MPP7: variants seen among roughly 807,000 people sequenced by gnomAD.
MPP7 encodes MAGUK p55 subfamily member 7.
A neutral mutation model predicts 76.5 loss-of-function variants in MPP7; 60 were observed. The observed-to-expected ratio is 0.78, with a 90% confidence interval of 0.64 to 0.97. The LOEUF is 0.97. MPP7 is among the 50% of genes least tolerant of loss of function. The pLI is 0.00. For synonymous variants in MPP7, 237 were observed against 244.5 expected (o/e 0.97, Z 0.29); for missense variants, 641 against 694.0 (o/e 0.92, Z 0.86).
At chr10:28,120,816 G>T in intron 8 of MPP7, 148 bp from the exon 9 acceptor site, 2 of 557,018 alleles carry the variant, frequency 3.6e-6, no homozygotes, top group Non-Finnish European at 6.2e-6. Flanking sequence ...TATTTTTGTA[G>T]AAATTCCTGT....
intron 1 of MPP7, among the ~76,000 whole-genome samples, chr10:28,281,292 T>C (rs937660167): frequency 2.6e-5 from 4 of 152,126 alleles, no homozygotes; most frequent in African/African-American, 7.2e-5. Context: ...TTTTGCCACA[T>C]TGGCCAGGCT....
At chr10:28,170,108 G>T (rs1319953488) in intron 3 of MPP7, among the ~76,000 whole-genome samples, 2 of 151,856 alleles carry the variant, frequency 1.3e-5, no homozygotes, top group African/African-American at 4.8e-5. Flanking sequence ...TTATCTAAGA[G>T]TATTTTTCTT....
intron 2 of MPP7, among the ~76,000 whole-genome samples, chr10:28,310,002 CTTT>C (rs770667750): frequency 9.0e-6 from 1 of 111,298 alleles, no homozygotes; most frequent in South Asian, 3.6e-4. Flanking sequence ...CCAATTAAAC[CTTT>C]TTTTTTTTTT....
At chr10:28,118,975 C>G (rs11006882) in intron 11 of MPP7, 2 of 985,146 alleles carry the variant, frequency 2.0e-6, no homozygotes, top group Admixed American at 6.2e-5. Context: ...CATGAAACAT[C>G]TAGGCGAGGT....
chr10:28,303,746 T>C (rs551383999), upstream of MPP7, among the ~76,000 whole-genome samples: 4 of 152,288 alleles, frequency 2.6e-5, no homozygotes, highest in African/African-American at 7.2e-5. Flanking sequence ...ACTGATTCTT[T>C]CACAATAGAA....
chr10:28,135,206 C>T (rs1292555354), intron 5 of MPP7, among the ~76,000 whole-genome samples: 2 of 152,072 alleles, frequency 1.3e-5, no homozygotes, highest in Non-Finnish European at 2.9e-5. Flanking sequence ...GTTGGGAAAA[C>T]AGAGCTGGGA....
At chr10:28,301,011 T>C (rs1443165973) in intron 1 of MPP7, among the ~76,000 whole-genome samples, 1 of 151,758 alleles carries the variant, frequency 6.6e-6, no homozygotes, top group African/African-American at 2.4e-5. Flanking sequence ...TCCTGATAAC[T>C]AGTAAATTTA....
At chr10:28,319,545 G>A (rs1437370018) in intron 2 of MPP7, among the ~76,000 whole-genome samples, 1 of 151,782 alleles carries the variant, frequency 6.6e-6, no homozygotes, top group African/African-American at 2.4e-5. Flanking sequence ...CAGCATGGTG[G>A]TCTGGGAAAA....
At chr10:28,334,963 G>A (rs970738836), upstream of MPP7, among the ~76,000 whole-genome samples, 1 of 152,198 alleles carries the variant, frequency 6.6e-6, no homozygotes, top group Non-Finnish European at 1.5e-5. Flanking sequence ...AAATGAGGAG[G>A]CAAATTAGCT....
chr10:28,246,615 T>C (rs867491480), intron 1 of MPP7, among the ~76,000 whole-genome samples: 5 of 152,286 alleles, frequency 3.3e-5, no homozygotes, highest in Middle Eastern at 3.4e-3. Context: ...TGGGCAATCA[T>C]AGCAGAAGGT....
At chr10:28,143,884 TGTGTGTGTGTGTGTGTGTGA>T (rs1436800894) in intron 5 of MPP7, among the ~76,000 whole-genome samples, 6 of 147,348 alleles carry the variant, frequency 4.1e-5, no homozygotes, top group Admixed American at 3.4e-4. Flanking sequence ...TGTGTGTGTG[TGTGTGTGTGTGTGTGTGTGA>T]GACTGAGTTT....
intron 1 of MPP7, chr10:28,330,031 C>A (rs1341972396): frequency 1.3e-5 from 2 of 152,152 alleles, no homozygotes; most frequent in Non-Finnish European, 2.9e-5. Context: ...ATAAATGAGA[C>A]AATTCGGTGA....
chr10:28,293,401 A>G (rs1040254888), intron 1 of MPP7, among the ~76,000 whole-genome samples: 1 of 152,214 alleles, frequency 6.6e-6, no homozygotes, highest in Admixed American at 6.5e-5. Context: ...ATTGGAAAAA[A>G]TTATAAGGTC....
chr10:28,153,525 G>T (rs569025705), intron 3 of MPP7, among the ~76,000 whole-genome samples: 145 of 152,036 alleles, frequency 9.5e-4, no homozygotes, highest in Non-Finnish European at 1.5e-3. Context: ...GTCCATAAGG[G>T]TTTTTTTCCT....
intron 1 of MPP7, among the ~76,000 whole-genome samples, chr10:28,296,214 C>T (rs575574889): frequency 6.6e-6 from 1 of 152,222 alleles, no homozygotes; most frequent in African/African-American, 2.4e-5. Context: ...TTACAACCAC[C>T]CACCTTTTCC....
At chr10:28,213,379 G>T (rs1425333221) in intron 2 of MPP7, among the ~76,000 whole-genome samples, 1 of 152,056 alleles carries the variant, frequency 6.6e-6, no homozygotes, top group Non-Finnish European at 1.5e-5. Flanking sequence ...GCCCCACGTG[G>T]GGCAAATGTG....
chr10:28,055,440 G>T (rs7904621), intron 16 of MPP7, among the ~76,000 whole-genome samples: 1 of 152,026 alleles, frequency 6.6e-6, no homozygotes, highest in South Asian at 2.1e-4. Context: ...CTAATTAAGA[G>T]GGGCAAGAAA....
rs920450703 is a variant in MPP7, at chr10:28,059,660, G to A, written c.1288C>T (p.Gln430Ter). 6.2e-7 allele frequency: 1 copy of A among 1,610,670 alleles called. No individual in the cohort carries two copies. Among genetic ancestry groups the A allele is most frequent in the Non-Finnish European group, 8.5e-7 (1 of 1,177,410 alleles). The change falls in exon 14 of 17, where the codon CAA becomes TAA. Residue 430 changes from glutamine (Q) to a stop codon, truncating the protein, a stop_gained. Transcript: ENST00000683449. LOFTEE classifies it high-confidence loss of function. ...ISKHLFETDVQNNKFIEYGEY... is the reference protein window; with the variant it reads ...ISKHLFETDV ...AAAATGTCCACATACTTGTTATTTT[G>A]TACATCTGTCTCAAACAAATGCTTG...
chr10:28,110,632 A>T (rs1411733826), intron 11 of MPP7, among the ~76,000 whole-genome samples: 1 of 152,212 alleles, frequency 6.6e-6, no homozygotes, highest in Non-Finnish European at 1.5e-5. Flanking sequence ...TTGTAAAGTA[A>T]GCAATGTGCT....
Sources: allele counts gnomAD v4.1 joint callset (sites outside exome capture counted in the v4.1 genomes callset), GRCh38; gene constraint gnomAD v4.1.1; transcripts MANE v1.5; gene names NCBI Gene and HGNC (gene_info 2026-07-23, HGNC 2026-07-21).